CDK14: variants seen among roughly 807,000 people sequenced by gnomAD.
CDK14 encodes cyclin dependent kinase 14, also known as cyclin-dependent kinase 14.
In CDK14, 34 loss-of-function variants were observed where a neutral mutation model predicts 60.7. The observed-to-expected ratio is 0.56, with a 90% confidence interval of 0.43 to 0.75. CDK14 has a LOEUF of 0.75. Ranked by LOEUF, CDK14 falls within the 30% of genes least tolerant of loss-of-function variation. The probability of loss-of-function intolerance (pLI) is 0.00; values close to 1 mark genes in which losing one functional copy is unlikely to be tolerated. For missense variants in CDK14, 482 were observed against 564.1 expected, an observed-to-expected ratio of 0.85 and a Z score of 1.47; for synonymous variants, 197 against 203.7, an observed-to-expected ratio of 0.97 and a Z score of 0.28.
intron 2 of CDK14, among the ~76,000 whole-genome samples, chr7:90,631,550 G>A (rs910386139): frequency 6.6e-6 from 1 of 152,128 alleles, no homozygotes; most frequent in Admixed American, 6.5e-5. Context: ...ACAGTTCCAT[G>A]TTTATCTGTT....
At chr7:90,840,071 C>G (rs372212969) in intron 5 of CDK14, among the ~76,000 whole-genome samples, 4 of 152,176 alleles carry the variant, frequency 2.6e-5, no homozygotes, top group African/African-American at 9.7e-5. Flanking sequence ...CTTCAGATGA[C>G]AGGCTACATC....
At chr7:90,610,222 C>T (rs960986428) in intron 2 of CDK14, among the ~76,000 whole-genome samples, 1 of 152,156 alleles carries the variant, frequency 6.6e-6, no homozygotes, top group Non-Finnish European at 1.5e-5. Context: ...TGGCCTTACC[C>T]CTTTGTACTT....
At chr7:91,078,520 T>A (rs1199996864) in intron 11 of CDK14, among the ~76,000 whole-genome samples, 3 of 152,146 alleles carry the variant, frequency 2.0e-5, no homozygotes, top group Non-Finnish European at 4.4e-5. Context: ...GGCAGGAGAA[T>A]CGCTTGAATC....
At chr7:90,681,477 G>C (rs142121924) in intron 2 of CDK14, among the ~76,000 whole-genome samples, 32 of 152,206 alleles carry the variant, frequency 2.1e-4, no homozygotes, top group Middle Eastern at 3.4e-3. Flanking sequence ...CATTCTCTCT[G>C]AGAACATACT....
intron 4 of CDK14, among the ~76,000 whole-genome samples, chr7:90,759,689 G>A (rs1313045121): frequency 6.6e-6 from 1 of 152,158 alleles, no homozygotes; most frequent in Non-Finnish European, 1.5e-5. Flanking sequence ...GCTCTCCCTG[G>A]GGCAGGGTCC....
intron 10 of CDK14, among the ~76,000 whole-genome samples, chr7:91,034,921 T>C (rs1796871452): frequency 1.4e-5 from 2 of 141,424 alleles, no homozygotes; most frequent in Non-Finnish European, 3.0e-5. Flanking sequence ...CTCACACCTG[T>C]GTACACACAC....
At chr7:91,076,816 C>T (rs970311052) in intron 11 of CDK14, among the ~76,000 whole-genome samples, 2 of 152,054 alleles carry the variant, frequency 1.3e-5, no homozygotes, top group Non-Finnish European at 1.5e-5. Flanking sequence ...GAAAAAACAA[C>T]CCCATCAAAA....
At chr7:90,622,226 C>T (rs1466758008) in intron 2 of CDK14, among the ~76,000 whole-genome samples, 2 of 152,040 alleles carry the variant, frequency 1.3e-5, no homozygotes, top group African/African-American at 4.8e-5. Context: ...TAAAAAGTAC[C>T]GGTCAGATGT....
At chr7:90,871,509 G>A (rs1791372021) in intron 6 of CDK14, among the ~76,000 whole-genome samples, 1 of 152,154 alleles carries the variant, frequency 6.6e-6, no homozygotes, top group Admixed American at 6.5e-5. Context: ...GAAGTCAAGT[G>A]TGAGAATTTG....
chr7:90,729,114 C>G (rs1289395443), intron 3 of CDK14, among the ~76,000 whole-genome samples: 3 of 151,292 alleles, frequency 2.0e-5, no homozygotes, highest in Non-Finnish European at 4.4e-5. Context: ...GTTGAATTCT[C>G]TGATTCAACC....
chr7:90,685,127 C>T (rs1312502199), intron 2 of CDK14, among the ~76,000 whole-genome samples: 1 of 151,650 alleles, frequency 6.6e-6, no homozygotes, highest in African/African-American at 2.4e-5. Context: ...GCTTTAATTA[C>T]CTGAAATTTA....
At chr7:91,192,018 C>A (rs991613091) in intron 14 of CDK14, among the ~76,000 whole-genome samples, 1 of 152,114 alleles carries the variant, frequency 6.6e-6, no homozygotes, top group African/African-American at 2.4e-5. Flanking sequence ...ATTTTCCTTT[C>A]CCTTCTTAAT....
chr7:90,768,528 TCA>T (rs1330994046), intron 4 of CDK14, among the ~76,000 whole-genome samples: 1 of 152,250 alleles, frequency 6.6e-6, no homozygotes, highest in African/African-American at 2.4e-5. Flanking sequence ...GTTGGGCGTC[TCA>T]GTTTCTCATC....
intron 9 of CDK14, chr7:90,979,517 A>G (rs1795170138): frequency 6.6e-6 from 1 of 152,234 alleles, no homozygotes; most frequent in Non-Finnish European, 1.5e-5. Context: ...GTAAAATGGA[A>G]TACGTTATAA....
At chr7:90,962,213 A>G (rs1794622343) in intron 9 of CDK14, among the ~76,000 whole-genome samples, 1 of 152,152 alleles carries the variant, frequency 6.6e-6, no homozygotes, top group Non-Finnish European at 1.5e-5. Flanking sequence ...GGGGCTGGGC[A>G]TGGTGGCTCA....
At chr7:91,024,702 G>T (rs945747066) in intron 10 of CDK14, among the ~76,000 whole-genome samples, 1 of 152,104 alleles carries the variant, frequency 6.6e-6, no homozygotes, top group South Asian at 2.1e-4. Flanking sequence ...GATTGATTTC[G>T]GCAGCCGCAC....
At chr7:91,042,098 T>C (rs1562879745) in intron 10 of CDK14, among the ~76,000 whole-genome samples, 1 of 152,150 alleles carries the variant, frequency 6.6e-6, no homozygotes, top group Non-Finnish European at 1.5e-5. Context: ...CAGGAAAAAG[T>C]GACCCTTGTA....
intron 4 of CDK14, among the ~76,000 whole-genome samples, chr7:90,757,468 G>A (rs998713424): frequency 1.3e-5 from 2 of 151,976 alleles, no homozygotes; most frequent in Non-Finnish European, 2.9e-5. Flanking sequence ...CACTAACTTG[G>A]CATTGCATTC....
intron 14 of CDK14, among the ~76,000 whole-genome samples, chr7:91,204,339 G>A (rs1471643529): frequency 6.6e-6 from 1 of 151,816 alleles, no homozygotes; most frequent in African/African-American, 2.4e-5. Context: ...GAAAATATAG[G>A]GGTAAATCTT....
Sources: gnomAD v4.1 joint callset for allele counts (sites outside exome capture counted in the v4.1 genomes callset) on GRCh38, gnomAD v4.1.1 for gene constraint, MANE v1.5 for transcripts, NCBI Gene and HGNC (gene_info 2026-07-23, HGNC 2026-07-21) for gene names.